EEFSEC: variants seen among roughly 807,000 people sequenced by gnomAD.
EEFSEC encodes the protein eukaryotic elongation factor, selenocysteine-tRNA specific, also known as selenocysteine-specific elongation factor.
Under a neutral mutation model 42.1 loss-of-function variants are expected in EEFSEC, and 43 were observed. That is an observed-to-expected ratio of 1.02 (90% confidence interval 0.80 to 1.32). The LOEUF (loss-of-function observed/expected upper bound fraction) is 1.32. Ranked by LOEUF, EEFSEC falls within the 40% of genes most tolerant of loss-of-function variation. The pLI, the probability that EEFSEC is intolerant of heterozygous loss-of-function variation, is 0.00. For missense variants in EEFSEC, 745 were observed against 803.6 expected (o/e 0.93, Z 0.88); for synonymous variants, 354 against 339.1 (o/e 1.04, Z -0.48).
chr3:128,359,325 T>A (rs1363543133), intron 6 of EEFSEC, among the ~76,000 whole-genome samples: 1 of 152,162 alleles, frequency 6.6e-6, no homozygotes, highest in Non-Finnish European at 1.5e-5. Flanking sequence ...GGGTTCATAC[T>A]GTGCGCTGGG....
At chr3:128,249,788 A>G (rs764270784) in intron 2 of EEFSEC, among the ~76,000 whole-genome samples, 8 of 152,134 alleles carry the variant, frequency 5.3e-5, no homozygotes, top group Non-Finnish European at 1.0e-4. Context: ...GTGGTTGCAT[A>G]GTGTTTTATT....
At chr3:128,213,799 G>T (rs1331172493) in intron 1 of EEFSEC, among the ~76,000 whole-genome samples, 2 of 151,816 alleles carry the variant, frequency 1.3e-5, no homozygotes, top group African/African-American at 4.8e-5. Flanking sequence ...CTTTCTTTTT[G>T]GTTTTATAGT....
chr3:128,293,226 A>G (rs567006482), intron 4 of EEFSEC, among the ~76,000 whole-genome samples: 1 of 152,364 alleles, frequency 6.6e-6, no homozygotes, highest in East Asian at 1.9e-4. Context: ...ACAGACCTAT[A>G]TGATGACTCT....
chr3:128,153,993 G>T, intron 1 of EEFSEC, 170 bp downstream of exon 1: 1 of 926,516 alleles, frequency 1.1e-6, no homozygotes, highest in Non-Finnish European at 1.5e-6. Flanking sequence ...TCCGCAGCAA[G>T]TGAGCGGAGG....
chr3:128,348,277 C>CGTGTGTGTGTGTGCGTGTGTGTGTGT (rs2067339828), intron 5 of EEFSEC, among the ~76,000 whole-genome samples: 2 of 77,972 alleles, frequency 2.6e-5, no homozygotes, highest in African/African-American at 1.7e-4. Context: ...TGTGCGTGTG[C>CGTGTGTGTGTGTGCGTGTGTGTGTGT]GTGTGTGTGT....
intron 4 of EEFSEC, among the ~76,000 whole-genome samples, chr3:128,314,785 G>A (rs935362706): frequency 1.3e-5 from 2 of 152,186 alleles, no homozygotes; most frequent in African/African-American, 4.8e-5. Context: ...ATGTATCCAG[G>A]TCCAGACATT....
At chr3:128,240,978 G>A (rs555712647) in intron 1 of EEFSEC, among the ~76,000 whole-genome samples, 1 of 152,352 alleles carries the variant, frequency 6.6e-6, no homozygotes, top group South Asian at 2.1e-4. Flanking sequence ...GCTGTGTTCT[G>A]AGTTGGGGAC....
At position 128,247,062 on chromosome 3, in the gene EEFSEC, G is replaced by A; in HGVS notation, c.524+19G>A. ...ACACCAAGTAGGTCTGCTAATGAGA[G>A]CAATGTTCACTGCATAAGAAGGCTT... is the stretch of plus-strand genomic sequence containing the variant. On this transcript the variant is annotated intron_variant, in intron 2 of 6. Coordinates refer to ENST00000254730, the MANE Select transcript of EEFSEC (RefSeq NM_021937.5). The A allele has an allele frequency of 5.0e-6, 8 of 1,612,656 alleles. No homozygotes were observed. The highest frequency in any genetic ancestry group is 6.8e-6 in the Non-Finnish European group (8 of 1,179,252).
At chr3:128,414,104 C>T in the EEFSEC span, among the ~76,000 whole-genome samples, 3 of 152,238 alleles carry the variant, frequency 2.0e-5, no homozygotes, top group Non-Finnish European at 4.4e-5. Context: ...CCCTGCCTCC[C>T]GCCAACGTCT....
intron 6 of EEFSEC, among the ~76,000 whole-genome samples, chr3:128,390,465 G>A (rs1450710633): frequency 6.6e-6 from 1 of 152,246 alleles, no homozygotes. Flanking sequence ...ACAGAAGGGG[G>A]TGAGACAGAT....
chr3:128,355,303 G>A (rs1334547950), intron 5 of EEFSEC, among the ~76,000 whole-genome samples: 2 of 152,200 alleles, frequency 1.3e-5, no homozygotes, highest in Non-Finnish European at 1.5e-5. Context: ...TGGGGGCCAA[G>A]GGGAGAGGAG....
chr3:128,317,581 G>A lies in EEFSEC; in HGVS notation c.787-23652G>A, dbSNP rs902371869. Among the ~76,000 whole-genome samples the A allele has an allele frequency of 2.6e-5, 4 of 152,300 alleles. No individual in the cohort carries two copies. In the East Asian group the frequency reaches 5.8e-4, roughly 22 times the overall value. ...TTCCACCCGGGCTACCACTGGAGTC[G>A]TTCTGACCTTTGTACTTCATCACTC... On this transcript the variant is annotated intron_variant, in intron 4 of 6. Coordinates refer to ENST00000254730, the MANE Select transcript of EEFSEC (RefSeq NM_021937.5). The surrounding 1 kb of genome is among the most constrained non-coding windows in gnomAD (Gnocchi z 4.1).
chr3:128,200,785 C>T (rs978097953), intron 1 of EEFSEC, among the ~76,000 whole-genome samples: 1 of 152,214 alleles, frequency 6.6e-6, no homozygotes, highest in Non-Finnish European at 1.5e-5. Context: ...TCTTTGCAAT[C>T]AGAGTCCTGG....
chr3:128,314,532 T>G (rs1224584900), intron 4 of EEFSEC, among the ~76,000 whole-genome samples: 1 of 152,100 alleles, frequency 6.6e-6, no homozygotes, highest in East Asian at 1.9e-4. Context: ...TTTGTAGAGA[T>G]AGGGTTTTGC....
At chr3:128,280,186 A>G (rs1345746064) in intron 4 of EEFSEC, among the ~76,000 whole-genome samples, 1 of 152,232 alleles carries the variant, frequency 6.6e-6, no homozygotes, top group Non-Finnish European at 1.5e-5. Flanking sequence ...GCATCAAAAA[A>G]TCTGGAAGGA....
chr3:128,294,705 A>C (rs1327811983), intron 4 of EEFSEC, among the ~76,000 whole-genome samples: 1 of 150,122 alleles, frequency 6.7e-6, no homozygotes, highest in Non-Finnish European at 1.5e-5. Flanking sequence ...GGCTCTGAGA[A>C]GAAAGAAATA....
chr3:128,412,339 C>T (rs1408182927), downstream of EEFSEC, among the ~76,000 whole-genome samples: 1 of 152,230 alleles, frequency 6.6e-6, no homozygotes, highest in African/African-American at 2.4e-5. Flanking sequence ...GCCCTGGCCT[C>T]CTCTGCCGAG....
rs145055063 is a variant in EEFSEC at position 128,256,763 on chromosome 3, A to G, written c.525-5365A>G. ...ATTCTGTATGTTCTTCTTGGTCAGT[A>G]TGTATGTATGTATTTTTGAGACAGA... On this transcript the variant is annotated intron_variant, in intron 2 of 6. Transcript: ENST00000254730. Among the ~76,000 whole-genome samples the G allele has an allele frequency of 1.0e-3, 157 of 152,290 alleles. 1 individual carries two copies. The highest frequency in any genetic ancestry group is 3.8e-4 in the Non-Finnish European group (26 of 68,016).
chr3:128,250,233 T>A (rs1012269220), intron 2 of EEFSEC, among the ~76,000 whole-genome samples: 2 of 152,208 alleles, frequency 1.3e-5, no homozygotes, highest in Non-Finnish European at 2.9e-5. Flanking sequence ...TAGTGTCCTT[T>A]GATACACAAA....
Sources: gnomAD v4.1 joint callset for allele counts (sites outside exome capture counted in the v4.1 genomes callset) on GRCh38, gnomAD v4.1.1 for gene constraint, Gnocchi (gnomAD v3.1) non-coding constraint, MANE v1.5 for transcripts, NCBI Gene and HGNC (gene_info 2026-07-23, HGNC 2026-07-21) for gene names.